Variants in SLC6A20 observed in about 807,000 individuals in gnomAD.
The protein encoded by SLC6A20 is solute carrier family 6 member 20.
Under a neutral mutation model 64.3 loss-of-function variants are expected in SLC6A20, and 73 were observed. That is an observed-to-expected ratio of 1.14 (90% CI 0.94 to 1.38). The LOEUF (loss-of-function observed/expected upper bound fraction) is 1.38, where lower values mean the gene tolerates loss of function less well. Among genes scored for constraint, SLC6A20 ranks in the 40% most tolerant of loss-of-function variants. SLC6A20 has a pLI of 0.00. For synonymous variants in SLC6A20, 347 were observed against 329.6 expected, an observed-to-expected ratio of 1.05 and a Z score of -0.57; for missense variants, 725 against 772.8, an observed-to-expected ratio of 0.94 and a Z score of 0.73.
Position 45,765,751 on chromosome 3 carries a change from G to C in SLC6A20, c.1099-10C>G. ...CAGTGCCCTGGACGGCCTGCCCAGG[G>C]TGAGAAGACACCAGTTACATGCAAG... On this transcript the variant is annotated splice_polypyrimidine_tract_variant and intron_variant, in intron 7 of 10. Coordinates refer to ENST00000358525, the MANE Select transcript of SLC6A20 (RefSeq NM_020208.4). This position sits in a 1 kb window ranked among gnomAD's most constrained non-coding sequence, Gnocchi z 4.2. 1.2e-6 allele frequency: 2 copies of C among 1,614,132 alleles called. No individual in the cohort carries two copies. Among genetic ancestry groups the C allele is most frequent in the Middle Eastern group, 1.6e-4 (1 of 6,062 alleles).
intron 5 of SLC6A20, chr3:45,772,063 T>C (rs368072669): frequency 3.3e-5 from 6 of 184,476 alleles, no homozygotes; most frequent in African/African-American, 7.1e-5. Context: ...GCACCCTCCA[T>C]GGATGAACCC....
At chr3:45,780,121 G>C (rs190514976) in intron 2 of SLC6A20, 21 bp from the exon 3 acceptor site, 388 of 1,566,770 alleles carry the variant, frequency 2.5e-4, no homozygotes, top group Admixed American at 1.2e-3. Flanking sequence ...GCAGAGGGCC[G>C]CGCTGAGGAC....
At chr3:45,761,731 T>G (rs1329635189) in intron 9 of SLC6A20, among the ~76,000 whole-genome samples, 2 of 152,194 alleles carry the variant, frequency 1.3e-5, no homozygotes, top group African/African-American at 2.4e-5. Flanking sequence ...TGAAAAGGCA[T>G]TCCTTGACCA....
chr3:45,771,234 A>C lies in SLC6A20; in HGVS notation c.918T>G (p.Tyr306Ter). 6.2e-7 allele frequency: 1 copy of C among 1,614,242 alleles called. No individual in the cohort carries two copies. Among genetic ancestry groups the C allele is most frequent in the Non-Finnish European group, 8.5e-7 (1 of 1,180,044 alleles). The change falls in exon 6 of 11, where the codon TAT becomes TAG. Residue 306 changes from tyrosine to a stop codon, truncating the protein, a stop_gained. Coordinates refer to ENST00000358525, the MANE Select transcript of SLC6A20 (RefSeq NM_020208.4). LOFTEE classifies it high-confidence loss of function. ...AGGCTTACTTCTTCAAGCAGTTTTC[A>C]TAATTGAAGGTGGCCTTGAAGCCAT... is the stretch of plus-strand genomic sequence containing the variant. Reference protein sequence around the residue: ...SIYGFKATFNYENCLKKVSLL... With the variant: ...SIYGFKATFN
rs1699529405 is a variant in SLC6A20 at position 45,755,778 on chromosome 3, T to G, written c.*3200A>C. 2.6e-5 allele frequency: 4 copies of G among 152,658 alleles called. No individual in the cohort carries two copies. Among genetic ancestry groups the G allele is most frequent in the Non-Finnish European group, 1.5e-5 (1 of 68,034 alleles). The allele number at this position is 152,658 out of a possible 1,614,324, so 9.5% of individuals were successfully genotyped here. On this transcript the variant is annotated 3_prime_UTR_variant, in exon 11 of 11. Coordinates refer to ENST00000358525, the MANE Select transcript of SLC6A20 (RefSeq NM_020208.4). ...AGGATTCTTGAGAAATGTTCTGCTC[T>G]TCATGAAATTCACAGAAACGAGACA...
At chr3:45,782,316 G>A in intron 1 of SLC6A20, 93 bp from the exon 2 acceptor site, 1 of 1,481,086 alleles carries the variant, frequency 6.8e-7, no homozygotes, top group Middle Eastern at 1.8e-4. Flanking sequence ...CCATCCTCCT[G>A]TCTTTCTACT....
intron 3 of SLC6A20, among the ~76,000 whole-genome samples, chr3:45,779,703 T>C (rs1559568926): frequency 6.6e-6 from 1 of 152,212 alleles, no homozygotes; most frequent in East Asian, 1.9e-4. Context: ...TAGTTCTTAA[T>C]AGTGTGTGTG....
intron 3 of SLC6A20, among the ~76,000 whole-genome samples, chr3:45,777,699 C>G (rs1390629046): frequency 2.0e-5 from 3 of 152,156 alleles, no homozygotes; most frequent in Non-Finnish European, 4.4e-5. Context: ...CACCAAGTCC[C>G]AGGCAGGTGA....
intron 2 of SLC6A20, among the ~76,000 whole-genome samples, chr3:45,780,866 C>T (rs752870929): frequency 6.6e-6 from 1 of 152,206 alleles, no homozygotes; most frequent in Non-Finnish European, 1.5e-5. Context: ...CCCCTCCCCA[C>T]CCCCACTCCA....
rs1048429590 is a variant in SLC6A20 at position 45,761,227 on chromosome 3, C to G, written c.1464-1205G>C. Among the ~76,000 whole-genome samples the G allele has an allele frequency of 4.6e-5, 7 of 151,740 alleles. No homozygotes were observed. In the South Asian group the frequency reaches 1.3e-3, roughly 27 times the overall value. ...TTGTCCCTTCACACCCCCATAACCC[C>G]CCCCCCTTTCCTGGATGGAGAAAGT... On this transcript the variant is annotated intron_variant, in intron 9 of 10. Coordinates refer to ENST00000358525, the MANE Select transcript of SLC6A20 (RefSeq NM_020208.4).
chr3:45,794,946 G>T (rs1316397680), intron 1 of SLC6A20, among the ~76,000 whole-genome samples: 1 of 152,178 alleles, frequency 6.6e-6, no homozygotes, highest in East Asian at 1.9e-4. Context: ...AATTAAGAAT[G>T]CACTGTTTTA....
intron 4 of SLC6A20, among the ~76,000 whole-genome samples, chr3:45,775,160 G>C (rs1376275715): frequency 6.6e-6 from 1 of 152,198 alleles, no homozygotes; most frequent in Admixed American, 6.5e-5. Context: ...ACCAAGAAAG[G>C]ATTATGGAGA....
chr3:45,781,065 C>CA (rs1318596386), intron 2 of SLC6A20, among the ~76,000 whole-genome samples: 9 of 152,090 alleles, frequency 5.9e-5, no homozygotes, highest in East Asian at 3.9e-4. Context: ...ACTAAAAATA[C>CA]AAAAAATTAG....
At chr3:45,775,640 G>A (rs780144513) in intron 4 of SLC6A20, 121 bp downstream of exon 4, 2 of 905,518 alleles carry the variant, frequency 2.2e-6, no homozygotes, top group Admixed American at 2.6e-5. Context: ...CATAGCTGCT[G>A]CCTTTCCACT....
rs1427165129 is a variant in SLC6A20, at chr3:45,772,621, G to A, written c.583-6C>T. The A allele has an allele frequency of 1.2e-6, 2 of 1,610,568 alleles. No individual in the cohort carries two copies. Among genetic ancestry groups the A allele is most frequent in the South Asian group, 2.2e-5 (2 of 90,464 alleles). On this transcript the variant is annotated splice_region_variant and splice_polypyrimidine_tract_variant and intron_variant, in intron 4 of 10. Transcript: ENST00000358525. ...GACGCCGTGAAATACACCACCTGCG[G>A]GCATCAGAGGGCAGAGTTGGCCTCC...
At chr3:45,760,764 A>G (rs994907780) in intron 9 of SLC6A20, among the ~76,000 whole-genome samples, 2 of 152,366 alleles carry the variant, frequency 1.3e-5, no homozygotes, top group South Asian at 2.1e-4. Context: ...ACACGTACAC[A>G]GTATAAAAAG....
intron 1 of SLC6A20, among the ~76,000 whole-genome samples, chr3:45,792,162 A>G (rs1358136158): frequency 6.6e-6 from 1 of 152,162 alleles, no homozygotes; most frequent in Admixed American, 6.5e-5. Context: ...AAGGTGAGCC[A>G]TGGGTGAGTG....
intron 1 of SLC6A20, among the ~76,000 whole-genome samples, chr3:45,785,694 T>C (rs1461587053): frequency 1.3e-5 from 2 of 150,778 alleles, no homozygotes; most frequent in Non-Finnish European, 1.5e-5. Context: ...ACAGTAGTAA[T>C]ACAACTACAT....
Position 45,765,975 on chromosome 3 carries a change from ACT to A in SLC6A20, c.1099-236_1099-235del, listed in dbSNP as rs1423221680. On this transcript the variant is annotated intron_variant, in intron 7 of 10. Coordinates refer to ENST00000358525, the MANE Select transcript of SLC6A20 (RefSeq NM_020208.4). This position sits in a 1 kb window ranked among gnomAD's most constrained non-coding sequence, Gnocchi z 4.2. ...TGAGAACTTGTAGCCAGCCTGCAAC[ACT>A]GAGTTCCCCTCTCCTGCCCCAACTT... is the stretch of plus-strand genomic sequence containing the variant. Among the ~76,000 whole-genome samples, 1 of 152,228 alleles carries A rather than the reference ACT, an allele frequency of 6.6e-6. No homozygotes were observed. The highest frequency in any genetic ancestry group is 1.5e-5 in the Non-Finnish European group (1 of 68,040).
Sources: allele counts gnomAD v4.1 joint callset (sites outside exome capture counted in the v4.1 genomes callset), GRCh38; gene constraint gnomAD v4.1.1; non-coding constraint Gnocchi (gnomAD v3.1); transcripts MANE v1.5; gene names NCBI Gene and HGNC (gene_info 2026-07-23, HGNC 2026-07-21).